Variants in ATP8A2 observed in about 807,000 individuals in gnomAD.
ATP8A2 encodes the protein ATPase phospholipid transporting 8A2.
In ATP8A2, 100 loss-of-function variants were observed where a neutral mutation model predicts 165.6. The ratio of observed to expected loss-of-function variants is 0.60; its 90% CI spans 0.51 to 0.71. The LOEUF (loss-of-function observed/expected upper bound fraction) is 0.71, where lower values mean the gene tolerates loss of function less well. Ranked by LOEUF, ATP8A2 falls within the 30% of genes least tolerant of loss-of-function variation. The pLI is 0.00. For missense variants in ATP8A2, 1,227 were observed against 1,479.5 expected (o/e 0.83, Z 2.80); for synonymous variants, 543 against 548.8 (o/e 0.99, Z 0.15).
intron 25 of ATP8A2, among the ~76,000 whole-genome samples, chr13:25,707,386 C>G (rs879909847): frequency 6.6e-6 from 1 of 152,116 alleles, no homozygotes; most frequent in Non-Finnish European, 1.5e-5. Context: ...TTTTGATTCC[C>G]CTCTAACTAA....
In ATP8A2 at chr13:25,862,316, G is replaced by C. The variant is rs1286483156; in HGVS notation, c.3091G>C (p.Val1031Leu). 6.2e-7 allele frequency: 1 copy of C among 1,614,068 alleles called. No individual in the cohort carries two copies. Among genetic ancestry groups the C allele is most frequent in the East Asian group, 2.2e-5 (1 of 44,878 alleles). Residue 1031 changes from valine (V) to leucine (L), a missense_variant, in exon 33 of 37, where the codon GTC becomes CTC. Transcript: ENST00000381655. Reference sequence around the variant, plus strand: ...CCCTCTGCAGTTCAGTCATCTGGCTGTCTGGGGAAGCATGCTGACCTGGCT... The same window carrying C: ...CCCTCTGCAGTTCAGTCATCTGGCTCTCTGGGGAAGCATGCTGACCTGGCT... ...TAWTKFSHLA[V>L]WGSMLTWLVF...
intron 33 of ATP8A2, among the ~76,000 whole-genome samples, chr13:25,957,102 C>T (rs530071140): frequency 3.9e-5 from 6 of 152,228 alleles, no homozygotes; most frequent in African/African-American, 1.4e-4. Context: ...CTTCCTCACA[C>T]CTTATACAAA....
chr13:25,975,437 C>A (rs1395061330), intron 35 of ATP8A2, among the ~76,000 whole-genome samples: 1 of 150,908 alleles, frequency 6.6e-6, no homozygotes, highest in East Asian at 2.0e-4. Context: ...AAAAAATTAG[C>A]CGGGTGTGGT....
intron 1 of ATP8A2, among the ~76,000 whole-genome samples, chr13:25,432,458 A>G (rs1452222894): frequency 6.6e-6 from 1 of 152,166 alleles, no homozygotes. Context: ...GGGGATCTTT[A>G]GATTTGCATA....
chr13:25,646,145 A>G (rs148044737), intron 24 of ATP8A2, among the ~76,000 whole-genome samples: 58 of 152,228 alleles, frequency 3.8e-4, no homozygotes, highest in Middle Eastern at 3.4e-3. Flanking sequence ...GATGAATTGA[A>G]CCCATTGTTA....
chr13:25,826,318 T>G (rs1951311766), intron 27 of ATP8A2, among the ~76,000 whole-genome samples: 1 of 152,152 alleles, frequency 6.6e-6, no homozygotes, highest in African/African-American at 2.4e-5. Flanking sequence ...AAGTTTATCT[T>G]GGATTTAGGA....
At chr13:25,588,192 T>A (rs1239125178) in intron 23 of ATP8A2, among the ~76,000 whole-genome samples, 1 of 152,204 alleles carries the variant, frequency 6.6e-6, no homozygotes, top group Non-Finnish European at 1.5e-5. Flanking sequence ...TAAAATTTGA[T>A]CTTGGAGGTG....
intron 6 of ATP8A2, chr13:25,534,121 C>T (rs984150305): frequency 1.7e-5 from 9 of 514,384 alleles, no homozygotes; most frequent in Middle Eastern, 7.1e-4. Context: ...CTGAAAAATG[C>T]CCGTGATATG....
At chr13:25,581,176 G>A (rs61948644) in intron 22 of ATP8A2, among the ~76,000 whole-genome samples, 4,698 of 152,262 alleles carry the variant, frequency 0.031, 98 homozygotes, top group South Asian at 0.05. Flanking sequence ...AGAGACTTGG[G>A]ATGTGAGTAC....
At chr13:25,872,254 G>A (rs73473820) in intron 33 of ATP8A2, among the ~76,000 whole-genome samples, 8,018 of 152,018 alleles carry the variant, frequency 0.053, 536 homozygotes, top group African/African-American at 0.13. Flanking sequence ...GAAACTAATT[G>A]GGGGATGGAG....
chr13:25,759,170 G>A (rs1386141811), intron 25 of ATP8A2, among the ~76,000 whole-genome samples: 2 of 152,022 alleles, frequency 1.3e-5, no homozygotes, highest in Non-Finnish European at 2.9e-5. Context: ...TGAGGTGAAG[G>A]TCAGAACTGG....
chr13:25,512,998 C>T (rs188464215), intron 2 of ATP8A2, among the ~76,000 whole-genome samples: 7,906 of 133,742 alleles, frequency 0.059, 246 homozygotes, highest in South Asian at 0.13. Flanking sequence ...GGTGGCTGGC[C>T]GGGCGGGGGG....
intron 24 of ATP8A2, among the ~76,000 whole-genome samples, chr13:25,611,001 C>T (rs1378950239): frequency 2.0e-5 from 3 of 151,226 alleles, no homozygotes; most frequent in Non-Finnish European, 4.4e-5. Flanking sequence ...ATTTTGTATC[C>T]TGAAACTTTG....
chr13:25,836,688 C>T (rs1951619586), intron 28 of ATP8A2, among the ~76,000 whole-genome samples: 1 of 152,154 alleles, frequency 6.6e-6, no homozygotes, highest in African/African-American at 2.4e-5. Context: ...ATTCCTGGTG[C>T]TTATCACAGT....
At chr13:25,423,441 A>ATTTTT (rs759305837) in intron 1 of ATP8A2, among the ~76,000 whole-genome samples, 1 of 152,136 alleles carries the variant, frequency 6.6e-6, no homozygotes, top group Non-Finnish European at 1.5e-5. Flanking sequence ...GGTCATGTGC[A>ATTTTT]TTTTTGTGTA....
At chr13:25,805,440 C>T (rs1430932384) in intron 27 of ATP8A2, among the ~76,000 whole-genome samples, 1 of 152,014 alleles carries the variant, frequency 6.6e-6, no homozygotes, top group Non-Finnish European at 1.5e-5. Flanking sequence ...CACCTGAGCC[C>T]AGGGTGGTCA....
chr13:25,810,223 T>C (rs1950833604), intron 27 of ATP8A2, among the ~76,000 whole-genome samples: 1 of 152,190 alleles, frequency 6.6e-6, no homozygotes, highest in South Asian at 2.1e-4. Flanking sequence ...CTTCTAATCT[T>C]ATTGCTAACT....
chr13:25,701,082 C>G (rs2042941901), intron 25 of ATP8A2, among the ~76,000 whole-genome samples: 1 of 152,170 alleles, frequency 6.6e-6, no homozygotes, highest in South Asian at 2.1e-4. Flanking sequence ...TTTAGCTACT[C>G]TGGATACAAG....
intron 25 of ATP8A2, among the ~76,000 whole-genome samples, chr13:25,752,489 T>C (rs541253085): frequency 6.6e-6 from 1 of 152,116 alleles, no homozygotes; most frequent in South Asian, 2.1e-4. Flanking sequence ...AGAAAGTAAA[T>C]GGATAAATAG....
Sources: allele counts gnomAD v4.1 joint callset (sites outside exome capture counted in the v4.1 genomes callset), GRCh38; gene constraint gnomAD v4.1.1; transcripts MANE v1.5; gene names NCBI Gene and HGNC (gene_info 2026-07-23, HGNC 2026-07-21).